Variants in ATP6V1H observed in about 807,000 individuals in gnomAD.
ATP6V1H encodes V-type proton ATPase subunit H.
ATP6V1H carries 39 observed loss-of-function variants against 71.7 expected under a neutral mutation model. The observed-to-expected ratio is 0.54, with a 90% CI of 0.42 to 0.71. The LOEUF (loss-of-function observed/expected upper bound fraction) is 0.71. ATP6V1H is among the 30% of genes least tolerant of loss of function. The probability of loss-of-function intolerance (pLI) is 0.00; values close to 1 mark genes in which losing one functional copy is unlikely to be tolerated. For missense variants in ATP6V1H, 509 were observed against 594.9 expected, an observed-to-expected ratio of 0.86 and a Z score of 1.50; for synonymous variants, 192 against 199.3, an observed-to-expected ratio of 0.96 and a Z score of 0.31.
At position 53,836,876 on chromosome 8, in the gene ATP6V1H, C is replaced by T. The variant is rs530228176; in HGVS notation, c.114-3790G>A. Reference sequence around the variant, plus strand: ...AGGATAGAAGCTGGGCATGGTGGCTCATGCCTGTAATCCCAGCACTTTGGG... The same window carrying T: ...AGGATAGAAGCTGGGCATGGTGGCTTATGCCTGTAATCCCAGCACTTTGGG... On this transcript the variant is annotated intron_variant, in intron 2 of 13. Transcript: ENST00000359530. 2.0e-5 allele frequency among the ~76,000 whole-genome samples: 3 copies of T among 152,314 alleles called. No individual in the cohort carries two copies. In the South Asian group the frequency reaches 6.2e-4, roughly 32 times the overall value.
At chr8:53,720,298 C>T (rs1806569711) in intron 13 of ATP6V1H, among the ~76,000 whole-genome samples, 1 of 144,906 alleles carries the variant, frequency 6.9e-6, no homozygotes, top group African/African-American at 2.8e-5. Context: ...TGAAAACCTA[C>T]TCCCCTTTTT....
chr8:53,795,898 G>C, intron 8 of ATP6V1H, 59 bp from the exon 9 acceptor site: 1 of 1,465,892 alleles, frequency 6.8e-7, no homozygotes, highest in East Asian at 2.3e-5. Flanking sequence ...GAAGAAATAA[G>C]CAATTATTCT....
chr8:53,823,283 A>G (rs1810719550), intron 4 of ATP6V1H, among the ~76,000 whole-genome samples: 1 of 152,246 alleles, frequency 6.6e-6, no homozygotes, highest in Non-Finnish European at 1.5e-5. Flanking sequence ...AAATGTTTTT[A>G]AAACATGATA....
intron 8 of ATP6V1H, among the ~76,000 whole-genome samples, chr8:53,797,169 G>C (rs1024028873): frequency 2.0e-5 from 3 of 152,160 alleles, no homozygotes; most frequent in Admixed American, 1.3e-4. Flanking sequence ...GTGATGCTGT[G>C]GCTGAGACCC....
chr8:53,829,265 G>A (rs958997745), intron 4 of ATP6V1H, among the ~76,000 whole-genome samples, 179 bp downstream of exon 4: 1 of 152,204 alleles, frequency 6.6e-6, no homozygotes, highest in Non-Finnish European at 1.5e-5. Context: ...CAGCCTGTGT[G>A]TGGGTATCTC....
chr8:53,765,781 T>C (rs974483908), intron 11 of ATP6V1H, among the ~76,000 whole-genome samples: 1 of 152,188 alleles, frequency 6.6e-6, no homozygotes. Context: ...CAAACTAATG[T>C]TTGTTTCCAT....
chr8:53,791,248 A>G (rs1022398341), intron 9 of ATP6V1H, among the ~76,000 whole-genome samples: 49 of 152,344 alleles, frequency 3.2e-4, no homozygotes, highest in Non-Finnish European at 6.6e-4. Flanking sequence ...AGCACAGAAT[A>G]AAGTGCTAAA....
chr8:53,755,512 G>A (rs1248933289), intron 12 of ATP6V1H, among the ~76,000 whole-genome samples: 3 of 144,726 alleles, frequency 2.1e-5, no homozygotes, highest in African/African-American at 7.7e-5. Context: ...GGGGGGTGGG[G>A]GTGGGAGTGG....
At chr8:53,786,310 C>A (rs181332924) in intron 9 of ATP6V1H, among the ~76,000 whole-genome samples, 1 of 152,208 alleles carries the variant, frequency 6.6e-6, no homozygotes, top group Non-Finnish European at 1.5e-5. Flanking sequence ...AATGATCGAG[C>A]CTCCGTGGGC....
chr8:53,800,623 T>C (rs1809879159), intron 8 of ATP6V1H, among the ~76,000 whole-genome samples: 3 of 152,188 alleles, frequency 2.0e-5, no homozygotes, highest in African/African-American at 7.2e-5. Flanking sequence ...TCTCAACTAG[T>C]TAGCCACTGA....
chr8:53,782,304 T>A (rs949322536), intron 9 of ATP6V1H, among the ~76,000 whole-genome samples: 1 of 151,808 alleles, frequency 6.6e-6, no homozygotes, highest in African/African-American at 2.4e-5. Flanking sequence ...TTTGAAGCAA[T>A]TGTGAATGGG....
chr8:53,786,437 AC>A (rs1809386232), intron 9 of ATP6V1H, among the ~76,000 whole-genome samples: 1 of 151,952 alleles, frequency 6.6e-6, no homozygotes, highest in Non-Finnish European at 1.5e-5. Context: ...GCCGTCTGTC[AC>A]CCCTTTCTTT....
chr8:53,814,724 G>A lies in ATP6V1H; in HGVS notation c.463C>T (p.Leu155=), dbSNP rs2130473741. Residue 155 remains leucine, a synonymous_variant, in exon 6 of 14, where the codon CTG becomes TTG. Transcript: ENST00000359530. The stretch of plus-strand genomic sequence containing the variant: ...TAATTTAAGTCACTGCCTTCCATCA[G>A]TTCTTTTCCCCAAGCTGCTAACTTG... ...IAKLAAWGKE[L]MEGSDLNYYF... 4 of 1,612,840 alleles carry A rather than the reference G, an allele frequency of 2.5e-6. No homozygotes were observed. Among genetic ancestry groups the A allele is most frequent in the Non-Finnish European group, 3.4e-6 (4 of 1,179,530 alleles).
chr8:53,783,817 A>G (rs1283611744), intron 9 of ATP6V1H, among the ~76,000 whole-genome samples: 2 of 152,188 alleles, frequency 1.3e-5, no homozygotes, highest in Non-Finnish European at 2.9e-5. Context: ...GTCATTCAGG[A>G]GCAGGTTGTT....
rs565006334 is a variant in ATP6V1H at position 53,736,932 on chromosome 8, T to C, written c.1391+6645A>G. 4.6e-5 allele frequency among the ~76,000 whole-genome samples: 7 copies of C among 152,346 alleles called. No homozygotes were observed. In the South Asian group the frequency reaches 1.4e-3, roughly 32 times the overall value. ...AAAAATCAACCCCTGACGTAACCGC[T>C]TGTATTATCTATAGATTCCAGGCAT... On this transcript the variant is annotated intron_variant, in intron 13 of 13. Transcript: ENST00000359530.
intron 13 of ATP6V1H, among the ~76,000 whole-genome samples, chr8:53,727,565 T>A (rs1806857767): frequency 6.6e-6 from 1 of 152,348 alleles, no homozygotes; most frequent in African/African-American, 2.4e-5. Flanking sequence ...GCTCTTCTCC[T>A]ACTGCATACA....
chr8:53,756,899 C>T lies in ATP6V1H; in HGVS notation c.1176-243G>A, dbSNP rs879780038. On this transcript the variant is annotated intron_variant, in intron 11 of 13. Coordinates refer to ENST00000359530, the MANE Select transcript of ATP6V1H (RefSeq NM_015941.4). Reference sequence around the variant, plus strand: ...TTTCCAAAATATCAGGGACTCCCCCCTCAAGAAAACTAGAACATGAATAAA... The same window carrying T: ...TTTCCAAAATATCAGGGACTCCCCCTTCAAGAAAACTAGAACATGAATAAA... Among the ~76,000 whole-genome samples the T allele has an allele frequency of 2.0e-4, 31 of 152,192 alleles. No individual in the cohort carries two copies. Among genetic ancestry groups the T allele is most frequent in the Non-Finnish European group, 4.1e-4 (28 of 68,044 alleles).
At chr8:53,778,199 A>C (rs1563461902) in intron 9 of ATP6V1H, among the ~76,000 whole-genome samples, 1 of 152,214 alleles carries the variant, frequency 6.6e-6, no homozygotes, top group Non-Finnish European at 1.5e-5. Flanking sequence ...GTTTTTAAAA[A>C]TTTATTAATA....
At chr8:53,795,884 G>C in intron 8 of ATP6V1H, 45 bp from the exon 9 acceptor site, 1 of 1,529,276 alleles carries the variant, frequency 6.5e-7, no homozygotes, top group Non-Finnish European at 8.9e-7. Flanking sequence ...AAAACATTTA[G>C]AAAGAAGAAA....
Sources: gnomAD v4.1 joint callset for allele counts (sites outside exome capture counted in the v4.1 genomes callset) on GRCh38, gnomAD v4.1.1 for gene constraint, MANE v1.5 for transcripts, NCBI Gene and HGNC (gene_info 2026-07-23, HGNC 2026-07-21) for gene names.